Variants in L3MBTL4 observed in about 807,000 individuals in gnomAD.
L3MBTL4 encodes the protein L3MBTL histone methyl-lysine binding protein 4.
In L3MBTL4, 70 loss-of-function variants were observed where a neutral mutation model predicts 84.5. That is an observed-to-expected ratio of 0.83 (90% CI 0.68 to 1.01). The LOEUF (loss-of-function observed/expected upper bound fraction) is 1.01, where lower values mean the gene tolerates loss of function less well. Ranked by LOEUF, L3MBTL4 falls within the 50% of genes least tolerant of loss-of-function variation. The probability of loss-of-function intolerance (pLI) is 0.00; values close to 1 mark genes in which losing one functional copy is unlikely to be tolerated. For synonymous variants in L3MBTL4, 274 were observed against 259.8 expected (o/e 1.05, Z -0.52); for missense variants, 715 against 754.8 (o/e 0.95, Z 0.62).
intron 1 of L3MBTL4, among the ~76,000 whole-genome samples, chr18:6,313,670 A>G (rs893492989): frequency 6.6e-6 from 1 of 152,204 alleles, no homozygotes; most frequent in Non-Finnish European, 1.5e-5. Context: ...CACGACAAAT[A>G]ATACCCCATG....
intron 1 of L3MBTL4, among the ~76,000 whole-genome samples, chr18:6,385,552 C>G (rs1454334156): frequency 6.6e-6 from 1 of 152,188 alleles, no homozygotes; most frequent in Non-Finnish European, 1.5e-5. Flanking sequence ...GAATTCATCC[C>G]TTTAAGCCTA....
rs530426034 is a variant in L3MBTL4 at position 6,077,858 on chromosome 18, G to T, written c.1444+3023C>A. Among the ~76,000 whole-genome samples, 54 of 151,372 alleles carry T rather than the reference G, an allele frequency of 3.6e-4. 2 individuals carry two copies. Among genetic ancestry groups the T allele is most frequent in the African/African-American group, 1.3e-3 (54 of 41,256 alleles). On this transcript the variant is annotated intron_variant, in intron 16 of 18. Transcript: ENST00000317931. ...AGCCTGGCCAACATAGTGAAACCCC[G>T]TCTCTACTAAAAATACAAAAATTAG...
chr18:6,155,929 T>A (rs1188914864), intron 13 of L3MBTL4, among the ~76,000 whole-genome samples: 1 of 152,176 alleles, frequency 6.6e-6, no homozygotes, highest in Non-Finnish European at 1.5e-5. Context: ...AGGATACCTC[T>A]ACTTGTAAAA....
intron 15 of L3MBTL4, among the ~76,000 whole-genome samples, chr18:6,082,607 T>C (rs2058117093): frequency 6.6e-6 from 1 of 152,200 alleles, no homozygotes; most frequent in Non-Finnish European, 1.5e-5. Flanking sequence ...TTTCAAGCCA[T>C]CTTAAAGCCC....
intron 1 of L3MBTL4, among the ~76,000 whole-genome samples, chr18:6,376,243 G>A (rs903779806): frequency 6.6e-6 from 1 of 152,154 alleles, no homozygotes; most frequent in African/African-American, 2.4e-5. Context: ...TCCTTGCAGG[G>A]CTTCCTGCTT....
chr18:6,230,355 A>G (rs545964454), intron 10 of L3MBTL4, among the ~76,000 whole-genome samples: 1 of 152,230 alleles, frequency 6.6e-6, no homozygotes, highest in African/African-American at 2.4e-5. Context: ...CTCCTCTGGT[A>G]GTTCACTTAG....
intron 1 of L3MBTL4, among the ~76,000 whole-genome samples, chr18:6,412,703 G>T (rs62079211): frequency 0.097 from 14,741 of 152,020 alleles, 796 homozygotes; most frequent in African/African-American, 0.12. Context: ...ACGAGTATTT[G>T]TTGAGCATGC....
At chr18:6,262,032 G>T (rs1186002825) in intron 5 of L3MBTL4, among the ~76,000 whole-genome samples, 1 of 152,152 alleles carries the variant, frequency 6.6e-6, no homozygotes, top group Non-Finnish European at 1.5e-5. Flanking sequence ...ACACGGCACA[G>T]GTGTGACTCC....
At chr18:6,122,075 T>A (rs1300855292) in intron 14 of L3MBTL4, among the ~76,000 whole-genome samples, 2 of 152,218 alleles carry the variant, frequency 1.3e-5, no homozygotes, top group African/African-American at 2.4e-5. Context: ...AGACACTATC[T>A]GTCCAAGGCT....
At chr18:6,120,264 G>A (rs1170669560) in intron 14 of L3MBTL4, among the ~76,000 whole-genome samples, 2 of 152,180 alleles carry the variant, frequency 1.3e-5, no homozygotes, top group African/African-American at 4.8e-5. Flanking sequence ...CAGGGGCCCG[G>A]GGCCTGCTTG....
chr18:6,184,854 G>T (rs1381869834), intron 12 of L3MBTL4, among the ~76,000 whole-genome samples: 3 of 152,156 alleles, frequency 2.0e-5, no homozygotes, highest in African/African-American at 7.2e-5. Flanking sequence ...AGAGTCTCAA[G>T]GATAAACAAC....
At chr18:6,034,213 T>G (rs1334614196) in intron 16 of L3MBTL4, among the ~76,000 whole-genome samples, 1 of 152,134 alleles carries the variant, frequency 6.6e-6, no homozygotes, top group Non-Finnish European at 1.5e-5. Flanking sequence ...TAGTTACATA[T>G]GTATACATGT....
At chr18:6,237,929 G>A in intron 10 of L3MBTL4, 35 bp downstream of exon 10, 1 of 1,536,482 alleles carries the variant, frequency 6.5e-7, no homozygotes, top group East Asian at 2.2e-5. Context: ...CTCACACAGA[G>A]ATGACTTCAA....
At chr18:6,021,384 T>C (rs1392576455) in intron 16 of L3MBTL4, among the ~76,000 whole-genome samples, 1 of 152,158 alleles carries the variant, frequency 6.6e-6, no homozygotes, top group East Asian at 1.9e-4. Flanking sequence ...AATAAATATA[T>C]CTGAAGGGTA....
intron 12 of L3MBTL4, among the ~76,000 whole-genome samples, chr18:6,178,730 A>G (rs2044333697): frequency 1.3e-5 from 2 of 152,236 alleles, no homozygotes. Flanking sequence ...AAAGAGCGGT[A>G]AGAAATAACT....
chr18:6,109,610 T>C (rs574062905), intron 14 of L3MBTL4, among the ~76,000 whole-genome samples: 13 of 152,210 alleles, frequency 8.5e-5, no homozygotes, highest in Admixed American at 7.2e-4. Flanking sequence ...CTGCTGAACA[T>C]TGTGGAGCCC....
intron 1 of L3MBTL4, among the ~76,000 whole-genome samples, chr18:6,391,752 A>ACTACTACTACTACTACTACTACTACT (rs2055059881): frequency 2.7e-5 from 4 of 150,006 alleles, no homozygotes; most frequent in South Asian, 2.1e-4. Context: ...CAACAACAAC[A>ACTACTACTACTACTACTACTACTACT]ACTACTACTA....
chr18:6,392,650 G>A (rs1348613074), intron 1 of L3MBTL4, among the ~76,000 whole-genome samples: 2 of 152,208 alleles, frequency 1.3e-5, no homozygotes, highest in Non-Finnish European at 2.9e-5. Flanking sequence ...AACTCAAGAT[G>A]TATCAAAGAC....
rs1263236216 is a variant in L3MBTL4 at position 6,388,765 on chromosome 18, G to A, written c.-91+26036C>T. 2.6e-5 allele frequency among the ~76,000 whole-genome samples: 4 copies of A among 152,224 alleles called. No individual in the cohort carries two copies. The East Asian group carries it at 7.7e-4, about 29-fold the overall frequency. ...TATCAGCTCAGAGGTGGAACTGAGG[G>A]GCCAGGCACAGGCAGATGGACACCG... On this transcript the variant is annotated intron_variant, in intron 1 of 18. Coordinates refer to ENST00000317931, the MANE Select transcript of L3MBTL4 (RefSeq NM_001330559.2).
Sources: gnomAD v4.1 joint callset for allele counts (sites outside exome capture counted in the v4.1 genomes callset) on GRCh38, gnomAD v4.1.1 for gene constraint, MANE v1.5 for transcripts, NCBI Gene and HGNC (gene_info 2026-07-23, HGNC 2026-07-21) for gene names.